SEMA6D: variants seen among roughly 807,000 people sequenced by gnomAD.
SEMA6D encodes semaphorin-6D.
SEMA6D carries 35 observed loss-of-function variants against 106.6 expected under a neutral mutation model. That is an observed-to-expected ratio of 0.33 (90% CI 0.25 to 0.44). SEMA6D has a LOEUF of 0.44. Among genes scored for constraint, SEMA6D ranks in the 20% least tolerant of loss-of-function variants. The pLI is 1.00. For synonymous variants in SEMA6D, 499 were observed against 487.7 expected (o/e 1.02, Z -0.31); for missense variants, 1,185 against 1,345.9 (o/e 0.88, Z 1.87).
chr15:47,673,377 CAG>C (rs1288951601), intron 4 of SEMA6D, among the ~76,000 whole-genome samples: 3 of 152,148 alleles, frequency 2.0e-5, no homozygotes, highest in African/African-American at 7.2e-5. Flanking sequence ...TGAAATCTGA[CAG>C]AATCAACATG....
At chr15:47,457,510 A>C (rs1490346756) in intron 2 of SEMA6D, among the ~76,000 whole-genome samples, 1 of 152,006 alleles carries the variant, frequency 6.6e-6, no homozygotes, top group Non-Finnish European at 1.5e-5. Context: ...GGATAATTAA[A>C]AAGACCTAGT....
intron 3 of SEMA6D, among the ~76,000 whole-genome samples, chr15:47,591,377 C>G (rs1482737009): frequency 6.6e-6 from 1 of 152,090 alleles, no homozygotes; most frequent in African/African-American, 2.4e-5. Flanking sequence ...ACTGAAGGCT[C>G]TATGGGGCTG....
intron 18 of SEMA6D, among the ~76,000 whole-genome samples, chr15:47,769,201 C>T (rs932942920): frequency 6.6e-6 from 1 of 152,146 alleles, no homozygotes; most frequent in Non-Finnish European, 1.5e-5. Flanking sequence ...TGCTTGAATG[C>T]CACAAGCAAT....
At chr15:47,284,116 A>G (rs1382395621) in intron 1 of SEMA6D, among the ~76,000 whole-genome samples, 1 of 152,164 alleles carries the variant, frequency 6.6e-6, no homozygotes, top group East Asian at 1.9e-4. Flanking sequence ...CATCCAATTC[A>G]GGAAGGTTCA....
intron 4 of SEMA6D, among the ~76,000 whole-genome samples, chr15:47,638,848 G>T (rs1241105516): frequency 1.3e-5 from 2 of 152,228 alleles, no homozygotes; most frequent in African/African-American, 4.8e-5. Flanking sequence ...GATGGATCAG[G>T]TTGGCTGGCT....
At chr15:47,543,039 T>C (rs554380136) in intron 3 of SEMA6D, among the ~76,000 whole-genome samples, 1 of 152,320 alleles carries the variant, frequency 6.6e-6, no homozygotes, top group Non-Finnish European at 1.5e-5. Flanking sequence ...ACCTTTATCA[T>C]GCTCATTAGA....
rs541266554 is a variant in SEMA6D, at chr15:47,466,608, A to G, written c.-158-3866A>G. Among the ~76,000 whole-genome samples, 5 of 152,306 alleles carry G rather than the reference A, an allele frequency of 3.3e-5. No homozygotes were observed. The East Asian group carries it at 5.8e-4, about 18-fold the overall frequency. ...TATCTTGGCTATTGTGAATAATGCT[A>G]CAAGAATGTGGGAGTGCACATATCT... is the stretch of plus-strand genomic sequence containing the variant. On this transcript the variant is annotated intron_variant, in intron 2 of 19. Transcript: ENST00000558014.
chr15:47,221,942 G>A (rs1032419145), intron 1 of SEMA6D, among the ~76,000 whole-genome samples: 1 of 152,118 alleles, frequency 6.6e-6, no homozygotes, highest in East Asian at 1.9e-4. Context: ...ATTTTCTGCA[G>A]TGGGGTCCAT....
At chr15:47,370,151 G>A (rs193185586) in intron 1 of SEMA6D, among the ~76,000 whole-genome samples, 1 of 152,112 alleles carries the variant, frequency 6.6e-6, no homozygotes, top group African/African-American at 2.4e-5. Context: ...AAGTCTTTTG[G>A]GATTTCAAGA....
intron 2 of SEMA6D, among the ~76,000 whole-genome samples, chr15:47,414,041 A>G (rs2040882715): frequency 6.6e-6 from 1 of 152,120 alleles, no homozygotes; most frequent in Admixed American, 6.5e-5. Context: ...TTAGTTTAAT[A>G]GCTTGTATTT....
chr15:47,196,033 T>TTG (rs1555402854), intron 1 of SEMA6D, among the ~76,000 whole-genome samples: 1 of 151,182 alleles, frequency 6.6e-6, no homozygotes, highest in Admixed American at 6.6e-5. Flanking sequence ...AGATTTTTTT[T>TTG]TTTTTGGAGA....
chr15:47,745,870 T>A (rs1288784773), intron 1 of SEMA6D, among the ~76,000 whole-genome samples: 1 of 152,166 alleles, frequency 6.6e-6, no homozygotes, highest in African/African-American at 2.4e-5. Context: ...AAATAATTAT[T>A]TTGAAATAAT....
intron 3 of SEMA6D, among the ~76,000 whole-genome samples, chr15:47,471,192 G>T (rs1378618762): frequency 6.6e-6 from 1 of 152,126 alleles, no homozygotes; most frequent in Non-Finnish European, 1.5e-5. Context: ...ACACGGCATT[G>T]GGTGACTGAG....
At chr15:47,638,778 G>A (rs930980149) in intron 4 of SEMA6D, among the ~76,000 whole-genome samples, 1 of 152,194 alleles carries the variant, frequency 6.6e-6, no homozygotes, top group African/African-American at 2.4e-5. Context: ...TGTCTAAACC[G>A]AAGATTACCC....
intron 4 of SEMA6D, among the ~76,000 whole-genome samples, chr15:47,653,565 T>C (rs1359265817): frequency 5.3e-5 from 8 of 152,242 alleles, no homozygotes; most frequent in Non-Finnish European, 1.0e-4. Flanking sequence ...AGTGGTTCTC[T>C]AGGAGCCACT....
intron 1 of SEMA6D, among the ~76,000 whole-genome samples, chr15:47,266,237 CT>C (rs1016151815): frequency 1.3e-5 from 2 of 151,456 alleles, no homozygotes; most frequent in Non-Finnish European, 1.5e-5. Context: ...TTTGACTACA[CT>C]TTTTTTTTCC....
At chr15:47,546,622 A>G (rs1289198296) in intron 3 of SEMA6D, among the ~76,000 whole-genome samples, 2 of 152,074 alleles carry the variant, frequency 1.3e-5, no homozygotes, top group African/African-American at 4.8e-5. Flanking sequence ...CATGGAACAG[A>G]GAACTTTCCT....
chr15:47,468,995 G>A (rs1004679203), intron 2 of SEMA6D, among the ~76,000 whole-genome samples: 1 of 152,000 alleles, frequency 6.6e-6, no homozygotes, highest in African/African-American at 2.4e-5. Context: ...GAGGTCTCTG[G>A]GTACGGAAAG....
chr15:47,291,583 A>G (rs1218802686), intron 1 of SEMA6D, among the ~76,000 whole-genome samples: 2 of 152,138 alleles, frequency 1.3e-5, no homozygotes, highest in South Asian at 2.1e-4. Flanking sequence ...TGGGAATTCT[A>G]GGGAATGGGA....
Sources: allele counts gnomAD v4.1 joint callset (sites outside exome capture counted in the v4.1 genomes callset), GRCh38; gene constraint gnomAD v4.1.1; transcripts MANE v1.5; gene names NCBI Gene and HGNC (gene_info 2026-07-23, HGNC 2026-07-21).